ETV1: variants seen among roughly 807,000 people sequenced by gnomAD.
ETV1 encodes the protein ETS variant transcription factor 1, also known as ETS translocation variant 1.
A neutral mutation model predicts 62.3 loss-of-function variants in ETV1; 27 were observed. The observed-to-expected ratio is 0.43, with a 90% CI of 0.32 to 0.60. The LOEUF is 0.60. Among genes scored for constraint, ETV1 ranks in the 20% least tolerant of loss-of-function variants. ETV1 has a pLI of 0.06. For synonymous variants in ETV1, 222 were observed against 199.6 expected (o/e 1.11, Z -0.94); for missense variants, 605 against 605.8 (o/e 1.00, Z 0.01).
chr7:13,909,394 A>AT (rs1193113344), intron 11 of ETV1, among the ~76,000 whole-genome samples: 2 of 152,194 alleles, frequency 1.3e-5, no homozygotes, highest in African/African-American at 4.8e-5. Context: ...CTCAGCAAGA[A>AT]TGATGCTCTT....
intron 13 of ETV1, among the ~76,000 whole-genome samples, chr7:13,899,662 A>G (rs1026281305): frequency 2.0e-5 from 3 of 152,254 alleles, no homozygotes; most frequent in Non-Finnish European, 4.4e-5. Context: ...TAGGTAAATC[A>G]TAAACTTGGT....
intron 9 of ETV1, among the ~76,000 whole-genome samples, chr7:13,928,944 C>A (rs998519183): frequency 6.6e-6 from 1 of 152,092 alleles, no homozygotes; most frequent in Non-Finnish European, 1.5e-5. Context: ...GGCGACAGAG[C>A]GAGACTCCGT....
At chr7:13,939,816 A>G (rs1284089642) in intron 6 of ETV1, among the ~76,000 whole-genome samples, 1 of 152,222 alleles carries the variant, frequency 6.6e-6, no homozygotes, top group African/African-American at 2.4e-5. Context: ...GAGATTAAGT[A>G]TCTGCCTATC....
At chr7:13,991,299 C>T (rs898870807), upstream of ETV1, 1 of 152,352 alleles carries the variant, frequency 6.6e-6, no homozygotes, top group Non-Finnish European at 1.5e-5. Flanking sequence ...AACCCAGCGC[C>T]TGTAATCTGA....
At chr7:13,941,120 T>C (rs1787455149) in intron 6 of ETV1, among the ~76,000 whole-genome samples, 1 of 152,180 alleles carries the variant, frequency 6.6e-6, no homozygotes, top group African/African-American at 2.4e-5. Flanking sequence ...CTCATGTGCA[T>C]TAACTTTACC....
chr7:13,919,997 T>C (rs1784652689), intron 9 of ETV1, among the ~76,000 whole-genome samples: 1 of 152,178 alleles, frequency 6.6e-6, no homozygotes, highest in African/African-American at 2.4e-5. Flanking sequence ...ATGTTCACTT[T>C]ACCCACTTGA....
intron 9 of ETV1, among the ~76,000 whole-genome samples, chr7:13,919,246 C>A (rs1784545625): frequency 1.3e-5 from 2 of 152,046 alleles, no homozygotes; most frequent in Non-Finnish European, 2.9e-5. Context: ...AAAACATGCT[C>A]AATATGACAC....
intron 6 of ETV1, among the ~76,000 whole-genome samples, chr7:13,949,140 AT>A (rs1288917305): frequency 6.6e-6 from 1 of 152,060 alleles, no homozygotes; most frequent in Non-Finnish European, 1.5e-5. Context: ...GTAAAAAAAA[AT>A]TTCACTTGGC....
chr7:13,925,542 CTCT>C (rs1009571756), intron 9 of ETV1, among the ~76,000 whole-genome samples: 34 of 151,864 alleles, frequency 2.2e-4, no homozygotes, highest in Admixed American at 1.3e-3. Context: ...TTGGACACTT[CTCT>C]TCTTCAACTA....
chr7:13,921,738 T>C (rs1255284986), intron 9 of ETV1, among the ~76,000 whole-genome samples: 1 of 152,192 alleles, frequency 6.6e-6, no homozygotes, highest in Non-Finnish European at 1.5e-5. Flanking sequence ...TTTATGGCAG[T>C]ATGTTAGAGC....
chr7:13,922,445 T>C (rs886815394), intron 9 of ETV1, among the ~76,000 whole-genome samples: 2 of 152,140 alleles, frequency 1.3e-5, no homozygotes, highest in African/African-American at 4.8e-5. Context: ...AAACACTGAA[T>C]AGTAAGTGAC....
intron 4 of ETV1, chr7:13,987,105 A>G (rs547265956): frequency 5.8e-6 from 1 of 173,334 alleles, no homozygotes; most frequent in Non-Finnish European, 1.2e-5. Context: ...TATCTTCTGA[A>G]TCTTACATAA....
intron 6 of ETV1, among the ~76,000 whole-genome samples, chr7:13,964,188 C>T (rs763209068): frequency 1.4e-4 from 22 of 152,034 alleles, no homozygotes; most frequent in Non-Finnish European, 2.5e-4. Flanking sequence ...GAAAAACAAC[C>T]CCAAACAGCA....
chr7:13,931,871 T>C (rs1786220250), intron 8 of ETV1, 122 bp from the exon 9 acceptor site: 1 of 1,178,638 alleles, frequency 8.5e-7, no homozygotes, highest in Non-Finnish European at 1.2e-6. Context: ...AGCGTAAATC[T>C]TTAACAAGCA....
At chr7:13,970,270 AC>A (rs1156537763) in intron 6 of ETV1, among the ~76,000 whole-genome samples, 32 of 12,868 alleles carry the variant, frequency 2.5e-3, no homozygotes, top group African/African-American at 7.2e-3. Flanking sequence ...CAAAACACAC[AC>A]ACACACACAC....
intron 6 of ETV1, chr7:13,974,770 G>A (rs1424194982): frequency 6.6e-6 from 1 of 152,276 alleles, no homozygotes; most frequent in Non-Finnish European, 1.5e-5. Context: ...AGAAGTAAAA[G>A]AGCAACGTTG....
At chr7:13,948,186 G>A (rs1788390503) in intron 6 of ETV1, among the ~76,000 whole-genome samples, 1 of 152,162 alleles carries the variant, frequency 6.6e-6, no homozygotes, top group African/African-American at 2.4e-5. Context: ...CTTATACTCT[G>A]ATAACCAAAA....
intron 9 of ETV1, among the ~76,000 whole-genome samples, chr7:13,927,624 A>G (rs1785583283): frequency 6.6e-6 from 1 of 152,208 alleles, no homozygotes; most frequent in Non-Finnish European, 1.5e-5. Flanking sequence ...TACTTTCAGC[A>G]AGGATGAAAA....
Position 13,931,716 on chromosome 7 carries a change from G to A in ETV1, c.588C>T (p.Ser196=), listed in dbSNP as rs1292335149. The A allele has an allele frequency of 5.0e-6, 8 of 1,614,044 alleles. No homozygotes were observed. In the East Asian group the frequency reaches 1.3e-4, roughly 27 times the overall value. Residue 196 remains serine, a synonymous_variant, in exon 9 of 14, where the codon TCC becomes TCT. Coordinates refer to ENST00000430479, the MANE Select transcript of ETV1 (RefSeq NM_004956.5). The stretch of plus-strand genomic sequence containing the variant: ...TTGGCATCGTCGGCAAAGGAGGAAA[G>A]GAGTTACAGGGTTCAGAAAGCTGGC... ...FRRQLSEPCN[S]FPPLPTMPRE...
Sources: allele counts gnomAD v4.1 joint callset (sites outside exome capture counted in the v4.1 genomes callset), GRCh38; gene constraint gnomAD v4.1.1; transcripts MANE v1.5; gene names NCBI Gene and HGNC (gene_info 2026-07-23, HGNC 2026-07-21).